Variants in RAI14 observed in about 807,000 individuals in gnomAD.
RAI14 encodes retinoic acid induced 14.
Under a neutral mutation model 115.4 loss-of-function variants are expected in RAI14, and 45 were observed. The ratio of observed to expected loss-of-function variants is 0.39; its 90% CI spans 0.31 to 0.50. The LOEUF is 0.50. Among genes scored for constraint, RAI14 ranks in the 20% least tolerant of loss-of-function variants. RAI14 has a pLI of 0.85. For missense variants in RAI14, 939 were observed against 1,131.2 expected (o/e 0.83, Z 2.44); for synonymous variants, 371 against 415.4 (o/e 0.89, Z 1.30).
At chr5:34,740,977 A>C (rs1000148407) in intron 2 of RAI14, among the ~76,000 whole-genome samples, 1 of 152,214 alleles carries the variant, frequency 6.6e-6, no homozygotes, top group Non-Finnish European at 1.5e-5. Flanking sequence ...ACCTCTGATA[A>C]CATTAGACAT....
chr5:34,663,591 T>C (rs1742869386), intron 1 of RAI14, among the ~76,000 whole-genome samples: 1 of 152,210 alleles, frequency 6.6e-6, no homozygotes, highest in Non-Finnish European at 1.5e-5. Flanking sequence ...CAGTACCTTC[T>C]TCTGTTTAAC....
At chr5:34,685,818 A>G (rs560424570) in intron 1 of RAI14, 2 of 152,198 alleles carry the variant, frequency 1.3e-5, no homozygotes, top group Non-Finnish European at 2.9e-5. Context: ...GAAAAATGTA[A>G]ATGTATACTT....
At chr5:34,662,320 T>G (rs1278797456) in intron 1 of RAI14, among the ~76,000 whole-genome samples, 1 of 152,228 alleles carries the variant, frequency 6.6e-6, no homozygotes, top group Non-Finnish European at 1.5e-5. Flanking sequence ...GTACAGTCCT[T>G]AATTCATGGC....
chr5:34,823,258 T>C lies in RAI14; in HGVS notation c.1416T>C (p.Thr472=). 1 of 1,614,046 alleles carries C rather than the reference T, an allele frequency of 6.2e-7. No individual in the cohort carries two copies. Among genetic ancestry groups the C allele is most frequent in the Non-Finnish European group, 8.5e-7 (1 of 1,180,030 alleles). ...CAGAACTGGTATGCTTAAACAACAC[T>C]GAGATTTCAGAGAACAGCTCTGACC... is the stretch of plus-strand genomic sequence containing the variant. ...RRAELVCLNN[T]EISENSSDLS... is the part of the protein sequence containing the mutation. The change falls in exon 15 of 18, where the codon ACT becomes ACC. Residue 472 remains threonine, a synonymous_variant. Coordinates refer to ENST00000265109, the MANE Select transcript of RAI14 (RefSeq NM_015577.3). This position sits in a 1 kb window ranked among gnomAD's most constrained non-coding sequence, Gnocchi z 4.5.
intron 3 of RAI14, among the ~76,000 whole-genome samples, chr5:34,786,303 C>T (rs527905349): frequency 1.3e-3 from 197 of 152,314 alleles, no homozygotes; most frequent in African/African-American, 4.4e-3. Flanking sequence ...CTGAATAGAA[C>T]TGAGAGCAGT....
intron 2 of RAI14, among the ~76,000 whole-genome samples, chr5:34,705,565 A>AAC (rs1339757673): frequency 6.6e-6 from 1 of 152,138 alleles, no homozygotes. Flanking sequence ...AATTAACATA[A>AAC]ACAGATGTGA....
chr5:34,793,019 G>GC (rs1468335206), intron 3 of RAI14, among the ~76,000 whole-genome samples: 15 of 152,092 alleles, frequency 9.9e-5, no homozygotes, highest in African/African-American at 3.6e-4. Context: ...AAAATCTCTC[G>GC]CTATCACACG....
At chr5:34,734,702 C>T (rs143423326) in intron 2 of RAI14, among the ~76,000 whole-genome samples, 8 of 151,216 alleles carry the variant, frequency 5.3e-5, no homozygotes, top group Non-Finnish European at 1.0e-4. Context: ...TGCTCTGTTG[C>T]GTAGGCTGGA....
intron 3 of RAI14, among the ~76,000 whole-genome samples, chr5:34,770,018 T>C (rs1426692926): frequency 6.6e-6 from 1 of 152,072 alleles, no homozygotes; most frequent in Non-Finnish European, 1.5e-5. Flanking sequence ...GATGAGCCAC[T>C]GCGCTCAGCT....
chr5:34,806,797 G>A (rs1754958208), intron 5 of RAI14, among the ~76,000 whole-genome samples: 1 of 152,202 alleles, frequency 6.6e-6, no homozygotes, highest in Non-Finnish European at 1.5e-5. Context: ...TCAGAGCAGA[G>A]ATGTGAAGTA....
At chr5:34,766,248 G>GC (rs1260956636) in intron 3 of RAI14, among the ~76,000 whole-genome samples, 3 of 152,120 alleles carry the variant, frequency 2.0e-5, no homozygotes, top group Non-Finnish European at 4.4e-5. Context: ...CAATCCTCCA[G>GC]CCCCCAGAAT....
At chr5:34,760,999 CTT>C (rs1160642640) in intron 3 of RAI14, among the ~76,000 whole-genome samples, 2 of 152,162 alleles carry the variant, frequency 1.3e-5, no homozygotes, top group Non-Finnish European at 2.9e-5. Context: ...TATGTGGCCT[CTT>C]GTCTCTGTTC....
At chr5:34,735,005 T>C (rs537671315) in intron 2 of RAI14, among the ~76,000 whole-genome samples, 2 of 152,178 alleles carry the variant, frequency 1.3e-5, no homozygotes, top group South Asian at 4.1e-4. Context: ...GACATGAAGG[T>C]TGAAAGATGC....
At chr5:34,764,778 C>A (rs1354480405) in intron 3 of RAI14, among the ~76,000 whole-genome samples, 2 of 151,764 alleles carry the variant, frequency 1.3e-5, no homozygotes, top group African/African-American at 4.8e-5. Context: ...AGACTTATAA[C>A]CAAGATTGTG....
rs1319788970 is a variant in RAI14, at chr5:34,665,123, ATG to A, written c.-49+8650_-49+8651del. Among the ~76,000 whole-genome samples the A allele has an allele frequency of 2.4e-3, 175 of 72,974 alleles. 54 individuals are homozygous for A. Among genetic ancestry groups the A allele is most frequent in the Middle Eastern group, 7.6e-3 (1 of 132 alleles). 47.9% of individuals were successfully genotyped at this position (72,974 alleles called of 152,430 possible). A position where few individuals can be genotyped will look rare whatever the true frequency, so the allele number is the denominator to read the frequency against. ...TATATGTGTATATATATGTGTATAT[ATG>A]TATGTGTATATATATACACATATAT... On this transcript the variant is annotated intron_variant, in intron 1 of 17. Coordinates refer to ENST00000265109, the MANE Select transcript of RAI14 (RefSeq NM_015577.3).
At chr5:34,776,622 A>G (rs2150146165) in intron 3 of RAI14, among the ~76,000 whole-genome samples, 1 of 152,220 alleles carries the variant, frequency 6.6e-6, no homozygotes, top group African/African-American at 2.4e-5. Flanking sequence ...CCTGGGCAAC[A>G]TGGCAAAAAC....
At chr5:34,706,506 C>G (rs758329534) in intron 2 of RAI14, among the ~76,000 whole-genome samples, 37 of 152,120 alleles carry the variant, frequency 2.4e-4, no homozygotes, top group Non-Finnish European at 4.7e-4. Flanking sequence ...GAATTTTAGG[C>G]TGATACTTAG....
chr5:34,796,739 C>T (rs571107750), intron 4 of RAI14, among the ~76,000 whole-genome samples: 53 of 152,168 alleles, frequency 3.5e-4, no homozygotes, highest in Admixed American at 8.5e-4. Context: ...CAGCTGCCCA[C>T]GATTCTCACC....
At chr5:34,783,499 T>C (rs1157534782) in intron 3 of RAI14, among the ~76,000 whole-genome samples, 1 of 152,224 alleles carries the variant, frequency 6.6e-6, no homozygotes, top group East Asian at 1.9e-4. Context: ...TTTACCTATT[T>C]CCCAAGTTTT....
Sources: allele counts gnomAD v4.1 joint callset (sites outside exome capture counted in the v4.1 genomes callset), GRCh38; gene constraint gnomAD v4.1.1; non-coding constraint Gnocchi (gnomAD v3.1); transcripts MANE v1.5; gene names NCBI Gene and HGNC (gene_info 2026-07-23, HGNC 2026-07-21).